The following NEDD4 variants were observed in gnomAD, a reference collection of about 807,000 sequenced individuals.
The protein encoded by NEDD4 is E3 ubiquitin-protein ligase NEDD4.
NEDD4 carries 99 observed loss-of-function variants against 144.9 expected under a neutral mutation model. That is an observed-to-expected ratio of 0.68 (90% CI 0.58 to 0.81). The LOEUF (loss-of-function observed/expected upper bound fraction) is 0.81. Among genes scored for constraint, NEDD4 ranks in the 30% least tolerant of loss-of-function variants. The probability of loss-of-function intolerance (pLI) is 0.00; values close to 1 mark genes in which losing one functional copy is unlikely to be tolerated. For missense variants in NEDD4, 985 were observed against 1,065.9 expected (o/e 0.92, Z 1.06); for synonymous variants, 318 against 350.6 (o/e 0.91, Z 1.04).
intron 18 of NEDD4, 151 bp from the exon 19 acceptor site, chr15:55,842,314 T>C (rs1310283041): frequency 3.5e-5 from 23 of 651,308 alleles, no homozygotes; most frequent in South Asian, 7.8e-5. Context: ...ACTAGGTATA[T>C]TGTCTTGGTT....
intron 5 of NEDD4, among the ~76,000 whole-genome samples, chr15:55,910,427 C>CGCCTCCATGCTCTCCAT (rs2036234213): frequency 6.6e-6 from 1 of 152,014 alleles, no homozygotes; most frequent in Non-Finnish European, 1.5e-5. Context: ...TATGCCTCCA[C>CGCCTCCATGCTCTCCAT]GCCTCCATGC....
intron 5 of NEDD4, among the ~76,000 whole-genome samples, chr15:55,906,007 T>C (rs1446026208): frequency 6.6e-6 from 1 of 152,192 alleles, no homozygotes; most frequent in Non-Finnish European, 1.5e-5. Flanking sequence ...AAGACATTTA[T>C]GCAGCCAACA....
intron 5 of NEDD4, among the ~76,000 whole-genome samples, chr15:55,895,295 T>A (rs557294952): frequency 1.2e-4 from 18 of 152,308 alleles, no homozygotes; most frequent in African/African-American, 4.3e-4. Context: ...ACGCTAACAT[T>A]CTCTGGAGAA....
chr15:55,920,513 G>A (rs551981613), intron 5 of NEDD4, among the ~76,000 whole-genome samples: 2 of 152,148 alleles, frequency 1.3e-5, no homozygotes, highest in East Asian at 1.9e-4. Flanking sequence ...ATAATGAAAC[G>A]ACAATATTTT....
intron 1 of NEDD4, among the ~76,000 whole-genome samples, chr15:55,967,962 C>T (rs2037544719): frequency 6.6e-6 from 1 of 152,108 alleles, no homozygotes; most frequent in Non-Finnish European, 1.5e-5. Flanking sequence ...CTATGAACAC[C>T]ACTGCACTCC....
At chr15:55,866,311 T>C (rs1228694999) in intron 8 of NEDD4, among the ~76,000 whole-genome samples, 1 of 152,026 alleles carries the variant, frequency 6.6e-6, no homozygotes, top group African/African-American at 2.4e-5. Context: ...TCTTTCCTTA[T>C]ATCCTCTTAC....
chr15:55,887,643 T>C (rs1386842594), intron 5 of NEDD4, among the ~76,000 whole-genome samples: 1 of 152,172 alleles, frequency 6.6e-6, no homozygotes, highest in Non-Finnish European at 1.5e-5. Flanking sequence ...ATGAAGCCAG[T>C]ATTACTCAGA....
chr15:55,964,987 C>T (rs1405167996), intron 2 of NEDD4, among the ~76,000 whole-genome samples: 3 of 151,904 alleles, frequency 2.0e-5, no homozygotes, highest in South Asian at 2.1e-4. Context: ...TCTTTGTGTA[C>T]GCTAGGTCCC....
chr15:55,991,948 A>G (rs897795026), intron 1 of NEDD4: 8 of 152,254 alleles, frequency 5.3e-5, no homozygotes, highest in African/African-American at 1.9e-4. Context: ...TTTCTTTAAG[A>G]TCAACTGGCT....
chr15:55,874,074 G>T, intron 5 of NEDD4, 66 bp from the exon 6 acceptor site: 2 of 857,894 alleles, frequency 2.3e-6, no homozygotes, highest in South Asian at 1.7e-5. Context: ...AGTTTGATGA[G>T]ATAGTGCCAC....
chr15:55,977,820 C>G (rs148694822), intron 1 of NEDD4, among the ~76,000 whole-genome samples: 2 of 151,562 alleles, frequency 1.3e-5, no homozygotes, highest in Non-Finnish European at 2.9e-5. Flanking sequence ...TTCCATGGGC[C>G]CTGATGGTCA....
intron 5 of NEDD4, among the ~76,000 whole-genome samples, chr15:55,875,743 C>A (rs1165501365): frequency 6.6e-6 from 1 of 151,902 alleles, no homozygotes; most frequent in Non-Finnish European, 1.5e-5. Flanking sequence ...CAGAATTTAT[C>A]TAATATGAAA....
Position 55,852,544 on chromosome 15 carries a change from C to A in NEDD4, c.1027-1G>T. Reference sequence around the variant, plus strand: ...GTAATCCAGATGAAGTAGGCAAAAGCTAAAGTGAAGAATAACAGAAGAATT... The same window carrying A: ...GTAATCCAGATGAAGTAGGCAAAAGATAAAGTGAAGAATAACAGAAGAATT... On this transcript the variant is annotated splice_acceptor_variant, in intron 12 of 28. Transcript: ENST00000435532. LOFTEE classifies it high-confidence loss of function. 1 of 1,612,576 alleles carries A rather than the reference C, an allele frequency of 6.2e-7. No homozygotes were observed. Among genetic ancestry groups the A allele is most frequent in the Non-Finnish European group, 8.5e-7 (1 of 1,179,350 alleles).
At chr15:55,836,231 T>C (rs1260008113) in intron 24 of NEDD4, among the ~76,000 whole-genome samples, 1 of 152,148 alleles carries the variant, frequency 6.6e-6, no homozygotes, top group African/African-American at 2.4e-5. Flanking sequence ...TTCATTTCAC[T>C]CTTTACATCA....
chr15:55,833,364 T>C (rs1161639601), intron 26 of NEDD4, among the ~76,000 whole-genome samples: 1 of 152,038 alleles, frequency 6.6e-6, no homozygotes, highest in Non-Finnish European at 1.5e-5. Flanking sequence ...CTCATGACTT[T>C]TAAAAATTAT....
In NEDD4 at chr15:55,852,534, T is replaced by G. The variant is rs1016896243; in HGVS notation, c.1036A>C (p.Thr346Pro). Residue 346 changes from threonine (T) to proline (P), a missense_variant, in exon 13 of 29, where the codon ACT (threonine) becomes CCT (proline). Thr to Pro is a conservative substitution (Grantham distance 38). Coordinates refer to ENST00000435532, the MANE Select transcript of NEDD4 (RefSeq NM_006154.4). ...EQPTLPVLLP[T>P]SSGLPPGWEE... is the part of the protein sequence containing the mutation. The stretch of plus-strand genomic sequence containing the variant: ...CAACCTGGTGGTAATCCAGATGAAG[T>G]AGGCAAAAGCTAAAGTGAAGAATAA... 9 of 1,613,084 alleles carry G rather than the reference T, an allele frequency of 5.6e-6. No homozygotes were observed. Among genetic ancestry groups the G allele is most frequent in the Non-Finnish European group, 5.1e-6 (6 of 1,179,546 alleles).
At chr15:55,946,155 TA>T (rs1264663455) in intron 4 of NEDD4, among the ~76,000 whole-genome samples, 2 of 152,130 alleles carry the variant, frequency 1.3e-5, no homozygotes, top group Non-Finnish European at 2.9e-5. Flanking sequence ...CACATAACAA[TA>T]TTAACCTTAA....
chr15:55,909,491 G>A (rs1450690555), intron 5 of NEDD4, among the ~76,000 whole-genome samples: 1 of 152,182 alleles, frequency 6.6e-6, no homozygotes, highest in Non-Finnish European at 1.5e-5. Flanking sequence ...TGAACCAGAC[G>A]TGTGAGCAAT....
chr15:55,923,053 G>A (rs896089007), intron 5 of NEDD4, among the ~76,000 whole-genome samples: 16 of 151,592 alleles, frequency 1.1e-4, no homozygotes, highest in African/African-American at 3.9e-4. Context: ...GCAAGGAGGC[G>A]GGTGCCTGTA....
Sources: gnomAD v4.1 joint callset for allele counts (sites outside exome capture counted in the v4.1 genomes callset) on GRCh38, gnomAD v4.1.1 for gene constraint, MANE v1.5 for transcripts, NCBI Gene and HGNC (gene_info 2026-07-23, HGNC 2026-07-21) for gene names.